The following SNTG1 variants were observed in gnomAD, a reference collection of about 807,000 sequenced individuals.
SNTG1 encodes the protein syntrophin gamma 1, also known as gamma-1-syntrophin.
SNTG1 carries 39 observed loss-of-function variants against 74.7 expected under a neutral mutation model. The observed-to-expected ratio is 0.52, with a 90% confidence interval of 0.40 to 0.68. The LOEUF (loss-of-function observed/expected upper bound fraction) is 0.68, where lower values mean the gene tolerates loss of function less well. Among genes scored for constraint, SNTG1 ranks in the 30% least tolerant of loss-of-function variants. The pLI is 0.00. For missense variants in SNTG1, 685 were observed against 609.5 expected (o/e 1.12, Z -1.30); for synonymous variants, 254 against 217.1 (o/e 1.17, Z -1.49).
chr8:50,520,025 A>C (rs1408648115), intron 9 of SNTG1, among the ~76,000 whole-genome samples: 1 of 152,186 alleles, frequency 6.6e-6, no homozygotes, highest in Non-Finnish European at 1.5e-5. Context: ...GCATCATGCT[A>C]CCTGACTTCA....
intron 12 of SNTG1, among the ~76,000 whole-genome samples, chr8:50,570,560 A>ATTT (rs1193252291): frequency 7.7e-6 from 1 of 130,450 alleles, no homozygotes; most frequent in African/African-American, 2.9e-5. Context: ...GTCCAGCCTT[A>ATTT]TTTTTTATTA....
At chr8:50,017,053 G>A (rs1208231944) in intron 1 of SNTG1, among the ~76,000 whole-genome samples, 2 of 151,966 alleles carry the variant, frequency 1.3e-5, no homozygotes, top group Non-Finnish European at 1.5e-5. Context: ...AAAACTGAGA[G>A]ACTAATACAA....
intron 11 of SNTG1, among the ~76,000 whole-genome samples, chr8:50,548,156 G>A (rs759421824): frequency 6.6e-5 from 10 of 152,124 alleles, no homozygotes; most frequent in Non-Finnish European, 1.3e-4. Flanking sequence ...GGAAGAAAAG[G>A]GTATTCATTT....
chr8:49,965,297 T>A (rs1442604441), intron 1 of SNTG1, among the ~76,000 whole-genome samples: 1 of 152,206 alleles, frequency 6.6e-6, no homozygotes, highest in Non-Finnish European at 1.5e-5. Context: ...CAGTAGGTGA[T>A]GACGATGATG....
chr8:50,492,438 C>T (rs1258189322), intron 8 of SNTG1, among the ~76,000 whole-genome samples: 7 of 152,224 alleles, frequency 4.6e-5, no homozygotes, highest in Middle Eastern at 3.4e-3. Context: ...CTATTCTAAC[C>T]GGTGTGAGAT....
chr8:50,215,167 A>G (rs1451257250), intron 2 of SNTG1, among the ~76,000 whole-genome samples: 2 of 152,054 alleles, frequency 1.3e-5, no homozygotes, highest in Admixed American at 1.3e-4. Flanking sequence ...TCCTTTAATT[A>G]CAATCGAGTG....
At chr8:49,918,310 A>G (rs1184582870) in intron 1 of SNTG1, among the ~76,000 whole-genome samples, 3 of 152,202 alleles carry the variant, frequency 2.0e-5, no homozygotes, top group Non-Finnish European at 4.4e-5. Context: ...GGTCAATAAT[A>G]TTACATAATA....
intron 15 of SNTG1, among the ~76,000 whole-genome samples, chr8:50,683,715 T>C (rs2095340543): frequency 6.6e-6 from 1 of 152,160 alleles, no homozygotes; most frequent in South Asian, 2.1e-4. Context: ...CTTTATGGCT[T>C]TTACTACTTG....
intron 1 of SNTG1, among the ~76,000 whole-genome samples, chr8:50,026,430 T>C (rs1817268841): frequency 6.6e-6 from 1 of 152,198 alleles, no homozygotes; most frequent in Admixed American, 6.5e-5. Flanking sequence ...TTGGCTCATT[T>C]GGCTAAAGGG....
At chr8:49,926,266 A>T (rs571089675) in intron 1 of SNTG1, among the ~76,000 whole-genome samples, 5 of 152,226 alleles carry the variant, frequency 3.3e-5, no homozygotes, top group African/African-American at 9.6e-5. Context: ...TTCTATTACG[A>T]AAAAATAAAT....
chr8:50,436,489 T>C (rs2093304416), intron 4 of SNTG1, among the ~76,000 whole-genome samples: 1 of 152,100 alleles, frequency 6.6e-6, no homozygotes, highest in Non-Finnish European at 1.5e-5. Flanking sequence ...ACTAAATTTC[T>C]ACTCTATGCC....
intron 1 of SNTG1, among the ~76,000 whole-genome samples, chr8:49,930,815 A>G (rs913728277): frequency 3.9e-5 from 6 of 152,186 alleles, no homozygotes; most frequent in Admixed American, 3.3e-4. Flanking sequence ...AAATTTATAA[A>G]TAAGATATTA....
intron 2 of SNTG1, among the ~76,000 whole-genome samples, chr8:50,262,724 T>A (rs540314614): frequency 3.9e-5 from 6 of 152,170 alleles, no homozygotes; most frequent in Admixed American, 1.3e-4. Context: ...TCTTTTTTTT[T>A]AAAAGATCAA....
At chr8:50,216,091 G>C (rs1314262079) in intron 2 of SNTG1, among the ~76,000 whole-genome samples, 1 of 152,100 alleles carries the variant, frequency 6.6e-6, no homozygotes, top group Non-Finnish European at 1.5e-5. Flanking sequence ...CTGACAGATG[G>C]CTTGGACACC....
At chr8:50,623,877 T>A (rs971802931) in intron 13 of SNTG1, among the ~76,000 whole-genome samples, 1 of 151,166 alleles carries the variant, frequency 6.6e-6, no homozygotes, top group East Asian at 1.9e-4. Flanking sequence ...GTTTTTATTA[T>A]CTCTTTTTTT....
intron 2 of SNTG1, among the ~76,000 whole-genome samples, chr8:50,204,982 G>C (rs1472569849): frequency 2.0e-5 from 3 of 152,098 alleles, no homozygotes; most frequent in East Asian, 1.9e-4. Context: ...ATGGACATTT[G>C]GGTTGGTTCC....
chr8:50,517,616 C>CAAAAAAAAAAAAAAAAAA (rs1161724778), intron 9 of SNTG1, among the ~76,000 whole-genome samples: 16 of 62,330 alleles, frequency 2.6e-4, no homozygotes, highest in Non-Finnish European at 3.7e-4. Flanking sequence ...AAATGGAAAG[C>CAAAAAAAAAAAAAAAAAA]AAAAAAAAAA....
At chr8:50,078,879 A>C (rs1038307224) in intron 1 of SNTG1, among the ~76,000 whole-genome samples, 1 of 152,204 alleles carries the variant, frequency 6.6e-6, no homozygotes, top group African/African-American at 2.4e-5. Context: ...ATGTCCCTGC[A>C]AAGGACATGA....
chr8:50,412,011 A>G (rs902938945), intron 4 of SNTG1, among the ~76,000 whole-genome samples: 7 of 152,120 alleles, frequency 4.6e-5, no homozygotes, highest in African/African-American at 1.7e-4. Context: ...TTGTTATTTG[A>G]AGGCTCCTCC....
Sources: gnomAD v4.1 joint callset for allele counts (sites outside exome capture counted in the v4.1 genomes callset) on GRCh38, gnomAD v4.1.1 for gene constraint, MANE v1.5 for transcripts, NCBI Gene and HGNC (gene_info 2026-07-23, HGNC 2026-07-21) for gene names.